ZFHX3: variants seen among roughly 807,000 people sequenced by gnomAD.
ZFHX3 encodes zinc finger homeobox 3, also known as zinc finger homeobox protein 3.
A neutral mutation model predicts 279.1 loss-of-function variants in ZFHX3; 42 were observed. The ratio of observed to expected loss-of-function variants is 0.15; its 90% CI spans 0.12 to 0.19. The LOEUF (loss-of-function observed/expected upper bound fraction) is 0.19. Ranked by LOEUF, ZFHX3 falls within the 10% of genes least tolerant of loss-of-function variation. The pLI is 1.00. For missense variants in ZFHX3, 4,981 were observed against 4,754.0 expected (o/e 1.05, Z -1.40); for synonymous variants, 2,293 against 1,957.8 (o/e 1.17, Z -4.52).
At chr16:73,549,006 T>G (rs567650738) in intron 2 of ZFHX3, among the ~76,000 whole-genome samples, 4 of 152,314 alleles carry the variant, frequency 2.6e-5, no homozygotes, top group African/African-American at 9.6e-5. Context: ...AAAAAATGTA[T>G]ATGCAATTTT....
At chr16:73,795,729 C>A (rs1340004962) in intron 1 of ZFHX3, among the ~76,000 whole-genome samples, 1 of 152,134 alleles carries the variant, frequency 6.6e-6, no homozygotes, top group East Asian at 1.9e-4. Context: ...CTTAACTAAC[C>A]CAGAATTGCA....
At chr16:72,927,713 C>A (rs1425036560) in intron 3 of ZFHX3, among the ~76,000 whole-genome samples, 1 of 151,956 alleles carries the variant, frequency 6.6e-6, no homozygotes, top group Non-Finnish European at 1.5e-5. Flanking sequence ...AGCCTCTCTG[C>A]GCCAGGCACA....
chr16:73,729,138 C>G (rs1778795223), intron 1 of ZFHX3, among the ~76,000 whole-genome samples: 1 of 152,184 alleles, frequency 6.6e-6, no homozygotes, highest in Non-Finnish European at 1.5e-5. Flanking sequence ...CTGACAGGGT[C>G]CCCAAGAGGA....
intron 7 of ZFHX3, among the ~76,000 whole-genome samples, chr16:72,806,367 G>T (rs979021136): frequency 6.6e-6 from 1 of 152,174 alleles, no homozygotes; most frequent in Non-Finnish European, 1.5e-5. Context: ...ACACGTGTGC[G>T]CAGAGAGGTG....
intron 4 of ZFHX3, among the ~76,000 whole-genome samples, chr16:72,842,548 A>G (rs979574672): frequency 6.6e-6 from 1 of 152,240 alleles, no homozygotes; most frequent in South Asian, 2.1e-4. Context: ...AGGGCAGTGC[A>G]ACACTGAAGA....
At chr16:73,320,154 C>T (rs2015546492) in intron 3 of ZFHX3, among the ~76,000 whole-genome samples, 1 of 152,236 alleles carries the variant, frequency 6.6e-6, no homozygotes, top group Non-Finnish European at 1.5e-5. Context: ...AGTTCTGTGT[C>T]TCAGTCGAGG....
chr16:73,621,292 C>T (rs1361187011), intron 2 of ZFHX3, among the ~76,000 whole-genome samples: 2 of 152,100 alleles, frequency 1.3e-5, no homozygotes, highest in African/African-American at 4.8e-5. Context: ...TTCTAGGTCT[C>T]GATAAAATGC....
At chr16:72,969,688 C>A (rs888967485) in intron 1 of ZFHX3, among the ~76,000 whole-genome samples, 7 of 152,186 alleles carry the variant, frequency 4.6e-5, no homozygotes, top group African/African-American at 1.7e-4. Context: ...AAGGTGAAAC[C>A]TCCTTCAAGG....
intron 2 of ZFHX3, among the ~76,000 whole-genome samples, chr16:73,621,383 A>G (rs1229997067): frequency 6.6e-6 from 1 of 152,190 alleles, no homozygotes; most frequent in Non-Finnish European, 1.5e-5. Flanking sequence ...GTAGAAATTC[A>G]TATGGTCTTT....
intron 5 of ZFHX3, among the ~76,000 whole-genome samples, chr16:73,184,296 ATGCAG>A (rs1967865699): frequency 6.6e-6 from 1 of 152,224 alleles, no homozygotes; most frequent in Non-Finnish European, 1.5e-5. Flanking sequence ...AGAGACAGCA[ATGCAG>A]CCACCTGCAG....
chr16:73,860,237 TCCC>T (rs1567432768), intron 1 of ZFHX3, among the ~76,000 whole-genome samples: 1 of 152,164 alleles, frequency 6.6e-6, no homozygotes, highest in Admixed American at 6.5e-5. Context: ...AATGTAATGT[TCCC>T]CCAAGTATGT....
chr16:73,226,403 G>A (rs991008210), intron 5 of ZFHX3, among the ~76,000 whole-genome samples: 8 of 152,352 alleles, frequency 5.3e-5, no homozygotes, highest in East Asian at 3.9e-4. Context: ...TGTTTAAAGC[G>A]CATGCTATTT....
At chr16:73,102,157 G>A (rs1411984282) in intron 7 of ZFHX3, among the ~76,000 whole-genome samples, 5 of 151,826 alleles carry the variant, frequency 3.3e-5, no homozygotes, top group East Asian at 3.9e-4. Flanking sequence ...CAGGTGAGTC[G>A]CTCACCTCAG....
chr16:73,225,986 C>T (rs1209117359), intron 5 of ZFHX3, among the ~76,000 whole-genome samples: 2 of 152,174 alleles, frequency 1.3e-5, no homozygotes, highest in Non-Finnish European at 2.9e-5. Flanking sequence ...ATGTATCCTT[C>T]CTAGGAGTCC....
At chr16:73,552,182 T>G (rs1301601542) in intron 2 of ZFHX3, among the ~76,000 whole-genome samples, 1 of 151,934 alleles carries the variant, frequency 6.6e-6, no homozygotes, top group African/African-American at 2.4e-5. Flanking sequence ...CAATCTTGAG[T>G]TTTTAGTGGG....
At chr16:73,804,105 C>T (rs569757818) in intron 1 of ZFHX3, among the ~76,000 whole-genome samples, 9 of 152,074 alleles carry the variant, frequency 5.9e-5, no homozygotes, top group Non-Finnish European at 1.0e-4. Context: ...TCCAGTGAGC[C>T]GAGATTGTGC....
intron 4 of ZFHX3, among the ~76,000 whole-genome samples, chr16:73,304,072 T>C (rs2143141165): frequency 6.6e-6 from 1 of 152,094 alleles, no homozygotes; most frequent in Non-Finnish European, 1.5e-5. Context: ...ATGTCACTGA[T>C]TCTGGAAGAG....
At chr16:73,660,505 G>C (rs2052770122) in intron 2 of ZFHX3, among the ~76,000 whole-genome samples, 1 of 152,048 alleles carries the variant, frequency 6.6e-6, no homozygotes, top group Admixed American at 6.5e-5. Flanking sequence ...CCACAATTAA[G>C]AATCATGTTA....
chr16:73,424,753 CAAA>C (rs71156163), intron 3 of ZFHX3, among the ~76,000 whole-genome samples: 743 of 95,772 alleles, frequency 7.8e-3, no homozygotes, highest in African/African-American at 0.033. Context: ...TACCCTGTGT[CAAA>C]AAAAAAAAAA....
Sources: allele counts gnomAD v4.1 joint callset (sites outside exome capture counted in the v4.1 genomes callset), GRCh38; gene constraint gnomAD v4.1.1; transcripts MANE v1.5; gene names NCBI Gene and HGNC (gene_info 2026-07-23, HGNC 2026-07-21).